CDK19: variants seen among roughly 807,000 people sequenced by gnomAD.
The protein encoded by CDK19 is cyclin-dependent kinase 19.
CDK19 carries 20 observed loss-of-function variants against 68.3 expected under a neutral mutation model. The observed-to-expected ratio is 0.29, with a 90% confidence interval of 0.21 to 0.43. CDK19 has a LOEUF of 0.43. CDK19 is among the 20% of genes least tolerant of loss of function. The pLI is 1.00. For missense variants in CDK19, 339 were observed against 623.5 expected (o/e 0.54, Z 4.86); for synonymous variants, 221 against 222.8 (o/e 0.99, Z 0.07).
chr6:110,753,563 T>G (rs1047969026), intron 1 of CDK19, among the ~76,000 whole-genome samples: 1 of 143,258 alleles, frequency 7.0e-6, no homozygotes, highest in Admixed American at 6.8e-5. Flanking sequence ...TTTTTTTTTT[T>G]CCTGTAGCGA....
chr6:110,763,714 C>T (rs1250082376), intron 1 of CDK19, among the ~76,000 whole-genome samples: 1 of 152,182 alleles, frequency 6.6e-6, no homozygotes, highest in Non-Finnish European at 1.5e-5. Flanking sequence ...CACGCCCAGC[C>T]TGCTCTCACC....
At chr6:110,810,721 C>A (rs1446524376) in intron 1 of CDK19, among the ~76,000 whole-genome samples, 7 of 151,400 alleles carry the variant, frequency 4.6e-5, no homozygotes, top group Non-Finnish European at 1.0e-4. Flanking sequence ...TTGCAGTGAG[C>A]TGAGATCGCA....
intron 2 of CDK19, among the ~76,000 whole-genome samples, chr6:110,680,473 A>C (rs1771908045): frequency 1.3e-5 from 2 of 152,222 alleles, no homozygotes; most frequent in African/African-American, 4.8e-5. Context: ...TAAACATCAC[A>C]CAAGAGTGTA....
chr6:110,722,803 G>C (rs1245555044), intron 2 of CDK19, among the ~76,000 whole-genome samples: 3 of 151,854 alleles, frequency 2.0e-5, no homozygotes, highest in African/African-American at 7.3e-5. Context: ...GGAGGTTGTG[G>C]TGGCAGTGAG....
At chr6:110,719,978 C>G (rs1409510142) in intron 2 of CDK19, among the ~76,000 whole-genome samples, 1 of 93,962 alleles carries the variant, frequency 1.1e-5, no homozygotes, top group Non-Finnish European at 2.2e-5. Flanking sequence ...ATCCGCCCCC[C>G]CCCCCCCACC....
intron 1 of CDK19, among the ~76,000 whole-genome samples, chr6:110,775,030 A>G (rs1321100303): frequency 3.9e-5 from 6 of 151,958 alleles, no homozygotes; most frequent in East Asian, 1.9e-4. Flanking sequence ...GGCAGATCAC[A>G]AGGTCAAGAG....
chr6:110,631,888 C>T, intron 6 of CDK19, 142 bp downstream of exon 6: 1 of 721,060 alleles, frequency 1.4e-6, no homozygotes, highest in Non-Finnish European at 2.3e-6. Context: ...TCTAAATCTA[C>T]CAGAAATCTA....
At chr6:110,760,717 G>A (rs1275842989) in intron 1 of CDK19, among the ~76,000 whole-genome samples, 1 of 152,182 alleles carries the variant, frequency 6.6e-6, no homozygotes, top group Non-Finnish European at 1.5e-5. Context: ...GACAGGGCGA[G>A]ACCTTGTCTC....
rs529713176 is a variant in CDK19 at position 110,794,515 on chromosome 6, C to A, written c.128+20494G>T. Among the ~76,000 whole-genome samples, 22 of 151,462 alleles carry A rather than the reference C, an allele frequency of 1.5e-4. No homozygotes were observed. The East Asian group carries it at 4.1e-3, about 28-fold the overall frequency. On this transcript the variant is annotated intron_variant, in intron 1 of 12. Transcript: ENST00000368911. ...CTCCCAGGTTCAAGTGATTCTCCTG[C>A]CTCAGCCTCCCGAGTAGCTGGGACT...
intron 4 of CDK19, chr6:110,645,837 C>CA: frequency 1.6e-6 from 1 of 619,134 alleles, no homozygotes; most frequent in Non-Finnish European, 3.0e-6. Flanking sequence ...CGACGCGCCG[C>CA]GCTTCCTCCT....
intron 1 of CDK19, among the ~76,000 whole-genome samples, chr6:110,808,036 TA>T (rs1453810968): frequency 1.3e-5 from 2 of 152,214 alleles, no homozygotes; most frequent in African/African-American, 4.8e-5. Context: ...TCAGCCTTAA[TA>T]TTTCTCCTGT....
At chr6:110,770,066 T>C (rs1413985206) in intron 1 of CDK19, among the ~76,000 whole-genome samples, 3 of 152,152 alleles carry the variant, frequency 2.0e-5, no homozygotes, top group Admixed American at 6.5e-5. Context: ...CTATCTCTTC[T>C]AGTTAAAAAA....
At chr6:110,753,269 T>C (rs1026097406) in intron 1 of CDK19, among the ~76,000 whole-genome samples, 1 of 152,088 alleles carries the variant, frequency 6.6e-6, no homozygotes, top group Non-Finnish European at 1.5e-5. Flanking sequence ...TTATATACTA[T>C]TTCCTTCATT....
At chr6:110,673,487 G>A (rs1203200321) in intron 2 of CDK19, among the ~76,000 whole-genome samples, 1 of 151,644 alleles carries the variant, frequency 6.6e-6, no homozygotes, top group East Asian at 1.9e-4. Context: ...TAGATCCTAT[G>A]GTAACTCTAT....
intron 1 of CDK19, among the ~76,000 whole-genome samples, chr6:110,787,426 G>GT (rs969504677): frequency 1.4e-4 from 21 of 151,622 alleles, no homozygotes; most frequent in African/African-American, 2.9e-4. Context: ...TCTCCTCAAT[G>GT]TTTTTTTTGT....
At chr6:110,662,362 G>A (rs1274299271) in intron 4 of CDK19, among the ~76,000 whole-genome samples, 1 of 151,762 alleles carries the variant, frequency 6.6e-6, no homozygotes, top group African/African-American at 2.4e-5. Context: ...TGCTTATTGT[G>A]TACTAGGTTC....
chr6:110,715,784 G>A (rs1775340663), intron 2 of CDK19, among the ~76,000 whole-genome samples: 1 of 152,200 alleles, frequency 6.6e-6, no homozygotes, highest in South Asian at 2.1e-4. Flanking sequence ...ATCACACCCT[G>A]CCATCTTCGG....
intron 2 of CDK19, among the ~76,000 whole-genome samples, chr6:110,672,131 A>G (rs572509150): frequency 8.3e-4 from 127 of 152,280 alleles, no homozygotes; most frequent in African/African-American, 2.9e-3. Context: ...CCAGCCTTGA[A>G]GCACTTACAC....
At chr6:110,770,327 G>A (rs1779923022) in intron 1 of CDK19, among the ~76,000 whole-genome samples, 1 of 152,198 alleles carries the variant, frequency 6.6e-6, no homozygotes, top group African/African-American at 2.4e-5. Flanking sequence ...AGTTCCACAT[G>A]GCTGGGGAGG....
Sources: allele counts gnomAD v4.1 joint callset (sites outside exome capture counted in the v4.1 genomes callset), GRCh38; gene constraint gnomAD v4.1.1; transcripts MANE v1.5; gene names NCBI Gene and HGNC (gene_info 2026-07-23, HGNC 2026-07-21).